GPC6: variants seen among roughly 807,000 people sequenced by gnomAD.
GPC6 encodes the protein glypican 6.
GPC6 carries 14 observed loss-of-function variants against 55.2 expected under a neutral mutation model. That is an observed-to-expected ratio of 0.25 (90% CI 0.17 to 0.40). The LOEUF is 0.40. GPC6 is among the 10% of genes least tolerant of loss of function. The pLI, the probability that GPC6 is intolerant of heterozygous loss-of-function variation, is 1.00. For synonymous variants in GPC6, 278 were observed against 259.6 expected (o/e 1.07, Z -0.68); for missense variants, 641 against 708.5 (o/e 0.90, Z 1.08).
intron 2 of GPC6, among the ~76,000 whole-genome samples, chr13:93,565,984 G>A (rs868604158): frequency 4.9e-4 from 74 of 150,598 alleles, no homozygotes; most frequent in African/African-American, 1.6e-3. Flanking sequence ...AGTTGCTTCA[G>A]TGAATTCAGA....
intron 4 of GPC6, among the ~76,000 whole-genome samples, chr13:94,225,490 A>G (rs1373053243): frequency 1.3e-5 from 2 of 152,126 alleles, no homozygotes; most frequent in Admixed American, 6.6e-5. Context: ...CTATTCAGAC[A>G]TATTATAACA....
chr13:93,800,395 C>G (rs535468950), intron 2 of GPC6, among the ~76,000 whole-genome samples: 116 of 152,192 alleles, frequency 7.6e-4, no homozygotes, highest in African/African-American at 2.5e-3. Context: ...CTAACTGAGG[C>G]TTTTTCAAGG....
intron 3 of GPC6, among the ~76,000 whole-genome samples, chr13:93,934,102 G>T (rs1476550867): frequency 5.9e-5 from 9 of 152,190 alleles, no homozygotes; most frequent in Non-Finnish European, 1.3e-4. Flanking sequence ...TTTCGCCATG[G>T]TGAGATGTAT....
chr13:94,267,295 A>G (rs1184617450), intron 4 of GPC6, among the ~76,000 whole-genome samples: 1 of 152,118 alleles, frequency 6.6e-6, no homozygotes, highest in East Asian at 1.9e-4. Context: ...GGTAACCTAT[A>G]AGGGTTAGCT....
At chr13:93,263,051 A>C (rs1489435475) in intron 1 of GPC6, among the ~76,000 whole-genome samples, 1 of 152,146 alleles carries the variant, frequency 6.6e-6, no homozygotes, top group Non-Finnish European at 1.5e-5. Context: ...AAAAGGGTGG[A>C]GATTTCCCAG....
At chr13:94,378,794 A>T (rs1477404773) in intron 6 of GPC6, among the ~76,000 whole-genome samples, 1 of 152,238 alleles carries the variant, frequency 6.6e-6, no homozygotes, top group Non-Finnish European at 1.5e-5. Context: ...ATATTACAGC[A>T]TTACTAATAC....
chr13:93,427,711 G>A (rs1877194388), intron 1 of GPC6, among the ~76,000 whole-genome samples: 1 of 151,996 alleles, frequency 6.6e-6, no homozygotes, highest in Admixed American at 6.6e-5. Flanking sequence ...CTTGCCTGAG[G>A]TTACATTCAT....
At chr13:93,879,007 A>T (rs1383419883) in intron 3 of GPC6, among the ~76,000 whole-genome samples, 3 of 152,108 alleles carry the variant, frequency 2.0e-5, no homozygotes, top group Admixed American at 2.0e-4. Flanking sequence ...ACAAGTGATA[A>T]GCGTTTCTCA....
chr13:93,272,166 A>C (rs1468170931), intron 1 of GPC6, among the ~76,000 whole-genome samples: 1 of 152,088 alleles, frequency 6.6e-6, no homozygotes, highest in Non-Finnish European at 1.5e-5. Context: ...TATAAACTAG[A>C]CCACTTTGGG....
At chr13:93,368,986 G>C (rs535270646) in intron 1 of GPC6, among the ~76,000 whole-genome samples, 1 of 151,864 alleles carries the variant, frequency 6.6e-6, no homozygotes, top group Admixed American at 6.6e-5. Flanking sequence ...TCCCCATATG[G>C]CCTTCACTGG....
chr13:94,081,946 T>C (rs1885113678), intron 4 of GPC6, among the ~76,000 whole-genome samples: 1 of 149,746 alleles, frequency 6.7e-6, no homozygotes, highest in East Asian at 1.9e-4. Flanking sequence ...ATTCAAGCAA[T>C]TTTTCTGTCT....
At chr13:94,307,559 T>C (rs1876015010) in intron 6 of GPC6, among the ~76,000 whole-genome samples, 1 of 152,160 alleles carries the variant, frequency 6.6e-6, no homozygotes, top group Non-Finnish European at 1.5e-5. Flanking sequence ...GCAATCCACC[T>C]GCCTCGACCT....
intron 7 of GPC6, 139 bp downstream of exon 7, chr13:94,382,689 G>A: frequency 1.8e-6 from 2 of 1,137,732 alleles, no homozygotes; most frequent in Non-Finnish European, 2.6e-6. Flanking sequence ...AGCAACAGCT[G>A]TTGAGAGTGA....
intron 4 of GPC6, among the ~76,000 whole-genome samples, chr13:94,046,579 C>T (rs888514840): frequency 6.6e-6 from 1 of 152,112 alleles, no homozygotes; most frequent in African/African-American, 2.4e-5. Context: ...CATAAAGTCA[C>T]TTTCCCCTCA....
At chr13:93,642,862 A>G (rs1356810937) in intron 2 of GPC6, among the ~76,000 whole-genome samples, 1 of 152,116 alleles carries the variant, frequency 6.6e-6, no homozygotes. Flanking sequence ...TGGTTTCATC[A>G]GCTTCAGTAT....
At chr13:93,813,790 CAA>C (rs1886768737) in intron 2 of GPC6, among the ~76,000 whole-genome samples, 1 of 131,186 alleles carries the variant, frequency 7.6e-6, no homozygotes, top group African/African-American at 3.2e-5. Context: ...TATAGTTTAT[CAA>C]GTGTATTTTT....
At chr13:94,002,087 A>G (rs1176483208) in intron 3 of GPC6, among the ~76,000 whole-genome samples, 1 of 152,138 alleles carries the variant, frequency 6.6e-6, no homozygotes, top group African/African-American at 2.4e-5. Context: ...GTTGGCTCCC[A>G]GTTCCTTGAG....
chr13:94,015,283 G>T (rs1241440616), intron 3 of GPC6, among the ~76,000 whole-genome samples: 2 of 152,100 alleles, frequency 1.3e-5, no homozygotes, highest in Non-Finnish European at 2.9e-5. Context: ...AATAATTAAT[G>T]ATGTTGAGCA....
At chr13:93,578,279 G>C (rs1876763017) in intron 2 of GPC6, among the ~76,000 whole-genome samples, 2 of 152,126 alleles carry the variant, frequency 1.3e-5, no homozygotes, top group Admixed American at 1.3e-4. Context: ...CAGTAGAATA[G>C]GTATTAGCTC....
Sources: gnomAD v4.1 joint callset for allele counts (sites outside exome capture counted in the v4.1 genomes callset) on GRCh38, gnomAD v4.1.1 for gene constraint, MANE v1.5 for transcripts, NCBI Gene and HGNC (gene_info 2026-07-23, HGNC 2026-07-21) for gene names.